FKBP14: variants seen among roughly 807,000 people sequenced by gnomAD.
FKBP14 encodes the protein peptidyl-prolyl cis-trans isomerase FKBP14.
FKBP14 carries 20 observed loss-of-function variants against 21.6 expected under a neutral mutation model. The ratio of observed to expected loss-of-function variants is 0.92; its 90% CI spans 0.65 to 1.34. The LOEUF (loss-of-function observed/expected upper bound fraction) is 1.34. FKBP14 is among the 40% of genes most tolerant of loss of function. FKBP14 has a pLI of 0.00. For synonymous variants in FKBP14, 79 were observed against 86.7 expected (o/e 0.91, Z 0.49); for missense variants, 253 against 249.0 (o/e 1.02, Z -0.11).
At chr7:30,007,400 G>A (rs942738905), downstream of FKBP14, among the ~76,000 whole-genome samples, 4 of 152,022 alleles carry the variant, frequency 2.6e-5, no homozygotes, top group South Asian at 2.1e-4. Flanking sequence ...AGTAGAGACC[G>A]GGTTTCACCA....
intron 3 of FKBP14, among the ~76,000 whole-genome samples, chr7:30,016,298 A>G (rs886933265): frequency 1.2e-4 from 19 of 152,226 alleles, no homozygotes; most frequent in African/African-American, 4.6e-4. Flanking sequence ...GGTTATGATC[A>G]TGTGATTAGA....
intron 1 of FKBP14, 76 bp from the exon 2 acceptor site, chr7:30,022,892 A>G: frequency 7.4e-7 from 1 of 1,344,304 alleles, no homozygotes; most frequent in Non-Finnish European, 1.0e-6. Context: ...TCCCACCAGT[A>G]AGTGGTTAAG....
chr7:30,021,037 C>G (rs1189646676), intron 2 of FKBP14, among the ~76,000 whole-genome samples: 2 of 152,202 alleles, frequency 1.3e-5, no homozygotes, highest in African/African-American at 4.8e-5. Context: ...CCTTAGACTT[C>G]AGGATGCTAT....
Position 30,026,682 on chromosome 7 carries a change from C to T in FKBP14, c.-174G>A, listed in dbSNP as rs1790193919. ...CAACTCTTTTCTCAAGGGTCACGAA[C>T]CTACCTTTAAAGAGTTAAGCCCAAA... On this transcript the variant is annotated 5_prime_UTR_variant, in exon 1 of 4. Transcript: ENST00000222803. 5 of 583,832 alleles carry T rather than the reference C, an allele frequency of 8.6e-6. No individual in the cohort carries two copies. Among genetic ancestry groups the T allele is most frequent in the Non-Finnish European group, 1.2e-5 (4 of 341,482 alleles). 36.2% of individuals were successfully genotyped at this position (583,832 alleles called of 1,614,324 possible).
chr7:30,019,793 T>C (rs538827622), intron 2 of FKBP14, among the ~76,000 whole-genome samples: 1 of 152,224 alleles, frequency 6.6e-6, no homozygotes, highest in African/African-American at 2.4e-5. Flanking sequence ...TCAATACATG[T>C]TATTGAGGTA....
downstream of FKBP14, among the ~76,000 whole-genome samples, chr7:30,008,628 G>A (rs1789655332): frequency 6.6e-6 from 1 of 150,536 alleles, no homozygotes; most frequent in South Asian, 2.1e-4. Flanking sequence ...GGCTGAGGCG[G>A]GAAGATCACT....
chr7:30,020,833 G>A (rs548813049), intron 2 of FKBP14, among the ~76,000 whole-genome samples: 1 of 152,290 alleles, frequency 6.6e-6, no homozygotes, highest in South Asian at 2.1e-4. Context: ...AAATTTTCTA[G>A]ATACTTGGTT....
intron 3 of FKBP14, among the ~76,000 whole-genome samples, chr7:30,015,112 AAAATAT>A (rs1789846902): frequency 6.6e-6 from 1 of 152,206 alleles, no homozygotes; most frequent in Admixed American, 6.5e-5. Flanking sequence ...GTGGAGACAC[AAAATAT>A]TGCTCAAAGG....
intron 2 of FKBP14, among the ~76,000 whole-genome samples, chr7:30,022,064 T>A (rs1008414304): frequency 2.6e-5 from 4 of 152,214 alleles, no homozygotes; most frequent in African/African-American, 9.7e-5. Context: ...AAAAACTTTA[T>A]AAATAAATTT....
At chr7:30,008,087 A>G (rs1449950118), downstream of FKBP14, 1 of 152,164 alleles carries the variant, frequency 6.6e-6, no homozygotes, top group African/African-American at 2.4e-5. Flanking sequence ...GCCCAATCCA[A>G]TAATTAATGA....
At chr7:30,024,267 A>T (rs1290476320) in intron 1 of FKBP14, among the ~76,000 whole-genome samples, 1 of 152,196 alleles carries the variant, frequency 6.6e-6, no homozygotes, top group African/African-American at 2.4e-5. Context: ...GCTAGAAATG[A>T]AAAAAGAAGC....
chr7:30,016,547 C>T (rs191101510), intron 3 of FKBP14, among the ~76,000 whole-genome samples: 16 of 152,118 alleles, frequency 1.1e-4, no homozygotes, highest in African/African-American at 3.9e-4. Flanking sequence ...GCACCTGCCA[C>T]CATGCCTGGC....
At position 30,014,756 on chromosome 7, in the gene FKBP14, T is replaced by C. The variant is rs577454244; in HGVS notation, c.615A>G (p.Thr205=). Residue 205 remains threonine (T), a synonymous_variant, in exon 4 of 4, where the codon ACA becomes ACG. Transcript: ENST00000222803. Reference sequence around the variant, plus strand: ...ATCTCTATAACTCATCGTGTTTATATGTAAATTCTCTGGCAGATATAAACC... The same window carrying C: ...ATCTCTATAACTCATCGTGTTTATACGTAAATTCTCTGGCAGATATAAACC... ...KDGFISAREF[T]YKHDEL is the part of the protein sequence containing the mutation. 9 of 1,603,842 alleles carry C rather than the reference T, an allele frequency of 5.6e-6. No individual in the cohort carries two copies. In the Admixed American group the frequency reaches 1.4e-4, roughly 25 times the overall value.
rs770910749 is a variant in FKBP14, at chr7:30,022,864, A to C, written c.198-48T>G. 42 of 1,555,092 alleles carry C rather than the reference A, an allele frequency of 2.7e-5. No individual in the cohort carries two copies. In the South Asian group the frequency reaches 4.8e-4, roughly 18 times the overall value. On this transcript the variant is annotated intron_variant, in intron 1 of 3. Coordinates refer to ENST00000222803, the MANE Select transcript of FKBP14 (RefSeq NM_017946.4). ...TAGAACTCCTTATTAACTCTAAAAA[A>C]TTTTCTTTAGTGCATTTTCCCACCA...
downstream of FKBP14, among the ~76,000 whole-genome samples, chr7:30,009,586 C>G (rs1225636458): frequency 6.6e-6 from 1 of 152,056 alleles, no homozygotes; most frequent in Non-Finnish European, 1.5e-5. Flanking sequence ...CCATAACATG[C>G]CACCAAATTC....
chr7:30,015,478 A>ATG (rs995108243), intron 3 of FKBP14, among the ~76,000 whole-genome samples: 2 of 151,378 alleles, frequency 1.3e-5, no homozygotes, highest in Non-Finnish European at 2.9e-5. Context: ...CTATATATAT[A>ATG]TTGCTCAAAG....
intron 3 of FKBP14, 98 bp from the exon 4 acceptor site, chr7:30,014,991 A>G (rs1200202907): frequency 1.0e-5 from 7 of 676,750 alleles, no homozygotes; most frequent in Non-Finnish European, 1.4e-5. Flanking sequence ...TATTTAGTTC[A>G]TTAACTAAAT....
chr7:30,019,911 C>A (rs572479067), intron 2 of FKBP14, among the ~76,000 whole-genome samples: 13 of 150,462 alleles, frequency 8.6e-5, no homozygotes, highest in Non-Finnish European at 1.5e-4. Context: ...GAAGACATTT[C>A]ATGGGAGGGG....
In FKBP14 at chr7:30,012,610, T is replaced by C. The variant is rs907257331; in HGVS notation, c.*2125A>G. On this transcript the variant is annotated 3_prime_UTR_variant, in exon 4 of 4. Transcript: ENST00000222803. ...ATAATCAGTGAAAGTGGTCTACATA[T>C]GATGTAATAATTGTTCATAATTCTT... 1 of 152,224 alleles carries C rather than the reference T, an allele frequency of 6.6e-6. No homozygotes were observed. The highest frequency in any genetic ancestry group is 1.5e-5 in the Non-Finnish European group (1 of 68,044). 9.4% of individuals were successfully genotyped at this position (152,224 alleles called of 1,614,324 possible).
Sources: gnomAD v4.1 joint callset for allele counts (sites outside exome capture counted in the v4.1 genomes callset) on GRCh38, gnomAD v4.1.1 for gene constraint, MANE v1.5 for transcripts, NCBI Gene and HGNC (gene_info 2026-07-23, HGNC 2026-07-21) for gene names.